The following GNAI3 variants were observed in gnomAD, a reference collection of about 807,000 sequenced individuals.
The protein encoded by GNAI3 is G protein subunit alpha i3.
In GNAI3, 12 loss-of-function variants were observed where a neutral mutation model predicts 41.8. The observed-to-expected ratio is 0.29, with a 90% CI of 0.18 to 0.47. The LOEUF (loss-of-function observed/expected upper bound fraction) is 0.47. GNAI3 is among the 20% of genes least tolerant of loss of function. The pLI is 1.00. For missense variants in GNAI3, 360 were observed against 429.6 expected, an observed-to-expected ratio of 0.84 and a Z score of 1.43; for synonymous variants, 132 against 146.5, an observed-to-expected ratio of 0.90 and a Z score of 0.71.
At chr1:109,571,092 C>T (rs544055334) in intron 1 of GNAI3, among the ~76,000 whole-genome samples, 6 of 152,242 alleles carry the variant, frequency 3.9e-5, no homozygotes, top group African/African-American at 1.4e-4. Flanking sequence ...CTTATCTGCA[C>T]GTTAGTCACA....
chr1:109,559,048 C>T (rs1648237760), intron 1 of GNAI3, among the ~76,000 whole-genome samples: 1 of 151,892 alleles, frequency 6.6e-6, no homozygotes, highest in Admixed American at 6.6e-5. Flanking sequence ...CATGGTGGTG[C>T]GCACCTGTAA....
intron 7 of GNAI3, chr1:109,591,548 C>T: frequency 4.1e-6 from 3 of 727,728 alleles, no homozygotes; most frequent in Non-Finnish European, 7.2e-6. Context: ...ATATGGAACG[C>T]TTCACGAATT....
intron 1 of GNAI3, among the ~76,000 whole-genome samples, chr1:109,565,125 G>A (rs572200319): frequency 2.0e-4 from 30 of 152,034 alleles, no homozygotes; most frequent in African/African-American, 5.8e-4. Flanking sequence ...TCGACCTGGC[G>A]TGGTGGCAGG....
intron 1 of GNAI3, among the ~76,000 whole-genome samples, chr1:109,562,962 A>C (rs770264594): frequency 6.6e-6 from 1 of 152,214 alleles, no homozygotes; most frequent in Non-Finnish European, 1.5e-5. Context: ...TGCTTGTGTC[A>C]GTTCTGTTCC....
At chr1:109,567,387 G>T (rs536711296) in intron 1 of GNAI3, among the ~76,000 whole-genome samples, 18 of 152,348 alleles carry the variant, frequency 1.2e-4, no homozygotes, top group African/African-American at 3.4e-4. Flanking sequence ...GGTGCAGAGA[G>T]ACCTGTGAGG....
intron 1 of GNAI3, among the ~76,000 whole-genome samples, chr1:109,551,504 T>G (rs1647982152): frequency 6.6e-6 from 1 of 152,198 alleles, no homozygotes; most frequent in African/African-American, 2.4e-5. Flanking sequence ...ACATGGTGAT[T>G]AATAGCATGG....
At chr1:109,554,507 A>G (rs1428250876) in intron 1 of GNAI3, among the ~76,000 whole-genome samples, 1 of 152,066 alleles carries the variant, frequency 6.6e-6, no homozygotes, top group Admixed American at 6.6e-5. Context: ...TTTGCTGGCC[A>G]TTTGTATATC....
rs1279717841 is a variant in GNAI3, at chr1:109,599,562, G to A, written c.*7240G>A. 1 of 152,188 alleles carries A rather than the reference G, an allele frequency of 6.6e-6. No individual in the cohort carries two copies. Among genetic ancestry groups the A allele is most frequent in the Non-Finnish European group, 1.5e-5 (1 of 68,020 alleles). The allele number at this position is 152,188 out of a possible 1,614,324, so 9.4% of individuals were successfully genotyped here. A position where few individuals can be genotyped will look rare whatever the true frequency, so the allele number is the denominator to read the frequency against. On this transcript the variant is annotated 3_prime_UTR_variant, in exon 9 of 9. Coordinates refer to ENST00000369851, the MANE Select transcript of GNAI3 (RefSeq NM_006496.4). ...GAAAACTATCAGATTTATGTGAAAT[G>A]TAACGTAATTTACATTTGATTTACT...
rs1206316589 is a variant in GNAI3 at position 109,579,285 on chromosome 1, C to T, written c.385C>T (p.Arg129Trp). 5 of 1,612,988 alleles carry T rather than the reference C, an allele frequency of 3.1e-6. No individual in the cohort carries two copies. Among genetic ancestry groups the T allele is most frequent in the South Asian group, 1.1e-5 (1 of 91,024 alleles). The change falls in exon 4 of 9, where the codon CGG becomes TGG. Residue 129 changes from arginine to tryptophan, a missense_variant. Transcript: ENST00000369851. ...MTPELAGVIKRLWRDGGVQAC... is the reference protein window; with the variant it reads ...MTPELAGVIKWLWRDGGVQAC... ...TCCAGAACTAGCAGGAGTGATTAAA[C>T]GGTTATGGCGAGATGGTGGGGTACA...
chr1:109,582,620 G>C, intron 5 of GNAI3, 55 bp downstream of exon 5: 1 of 1,318,204 alleles, frequency 7.6e-7, no homozygotes, highest in Non-Finnish European at 1.1e-6. Context: ...TTTCATTTTA[G>C]TTTACCATCT....
chr1:109,552,930 G>C (rs1557901231), intron 1 of GNAI3, among the ~76,000 whole-genome samples: 1 of 152,070 alleles, frequency 6.6e-6, no homozygotes, highest in Non-Finnish European at 1.5e-5. Flanking sequence ...CTGAGACCCA[G>C]AGCAAGTAAC....
rs1647891941 is a variant in GNAI3, at chr1:109,548,688, G to C, written c.-33G>C. 3.4e-6 allele frequency: 5 copies of C among 1,479,676 alleles called. No individual in the cohort carries two copies. The East Asian group carries it at 6.8e-5, about 20-fold the overall frequency. 91.7% of individuals were successfully genotyped at this position (1,479,676 alleles called of 1,614,324 possible). On this transcript the variant is annotated 5_prime_UTR_variant, in exon 1 of 9. Transcript: ENST00000369851. ...GCCGCAGTTTCCGTGGTGTGAGTGA[G>C]TCCGGGCCCGTGTCCCCTCTCCCGC...
intron 4 of GNAI3, 149 bp from the exon 5 acceptor site, chr1:109,582,288 G>T (rs550545759): frequency 2.5e-4 from 129 of 523,164 alleles, no homozygotes; most frequent in Non-Finnish European, 4.1e-5. Flanking sequence ...ACCATGCCTG[G>T]CTTATCATTT....
rs566465433 is a variant in GNAI3, at chr1:109,556,956, G to A, written c.118+8118G>A. On this transcript the variant is annotated intron_variant, in intron 1 of 8. Coordinates refer to ENST00000369851, the MANE Select transcript of GNAI3 (RefSeq NM_006496.4). The stretch of plus-strand genomic sequence containing the variant: ...TTACTATTTAGTTCTCTTTCCTCCC[G>A]AGACAGTCTCACTCTGTTGCCCAGA... Among the ~76,000 whole-genome samples, 91 of 152,152 alleles carry A rather than the reference G, an allele frequency of 6.0e-4. No individual in the cohort carries two copies. The Middle Eastern group carries it at 0.024, about 40-fold the overall frequency.
At chr1:109,550,593 G>A (rs1162930106) in intron 1 of GNAI3, among the ~76,000 whole-genome samples, 3 of 151,944 alleles carry the variant, frequency 2.0e-5, no homozygotes, top group Non-Finnish European at 4.4e-5. Context: ...GAGTGCAGTG[G>A]CGCGATCTCG....
chr1:109,590,100 A>G (rs904992919), intron 7 of GNAI3, among the ~76,000 whole-genome samples: 2 of 152,228 alleles, frequency 1.3e-5, no homozygotes, highest in African/African-American at 4.8e-5. Flanking sequence ...TGGTAGGCCA[A>G]AAAGTTGAGA....
intron 1 of GNAI3, among the ~76,000 whole-genome samples, chr1:109,571,465 A>G (rs774278619): frequency 3.3e-5 from 5 of 152,346 alleles, no homozygotes; most frequent in Middle Eastern, 3.4e-3. Flanking sequence ...ATCTGTCTGC[A>G]TCATTTATCT....
chr1:109,550,124 G>A (rs1438756929), intron 1 of GNAI3, among the ~76,000 whole-genome samples: 6 of 152,096 alleles, frequency 3.9e-5, no homozygotes, highest in Non-Finnish European at 8.8e-5. Flanking sequence ...TCACTTTAGG[G>A]GAAATGCTAA....
At chr1:109,566,664 C>T (rs1028500878) in intron 1 of GNAI3, among the ~76,000 whole-genome samples, 3 of 152,134 alleles carry the variant, frequency 2.0e-5, no homozygotes, top group African/African-American at 7.2e-5. Context: ...TGGATTCAAG[C>T]GATTCTCCTG....
Sources: allele counts gnomAD v4.1 joint callset (sites outside exome capture counted in the v4.1 genomes callset), GRCh38; gene constraint gnomAD v4.1.1; transcripts MANE v1.5; gene names NCBI Gene and HGNC (gene_info 2026-07-23, HGNC 2026-07-21).